Variants in RERE observed in about 807,000 individuals in gnomAD.
The protein encoded by RERE is arginine-glutamic acid dipeptide repeats, also known as arginine-glutamic acid dipeptide repeats protein.
In RERE, 40 loss-of-function variants were observed where a neutral mutation model predicts 146.1. The ratio of observed to expected loss-of-function variants is 0.27; its 90% CI spans 0.21 to 0.36. The LOEUF (loss-of-function observed/expected upper bound fraction) is 0.36, where lower values mean the gene tolerates loss of function less well. RERE is among the 10% of genes least tolerant of loss of function. The pLI is 1.00. For synonymous variants in RERE, 1,003 were observed against 866.0 expected (o/e 1.16, Z -2.78); for missense variants, 1,933 against 2,138.7 (o/e 0.90, Z 1.90).
At chr1:8,547,585 AC>A (rs1391248776) in intron 6 of RERE, among the ~76,000 whole-genome samples, 1 of 152,338 alleles carries the variant, frequency 6.6e-6, no homozygotes, top group East Asian at 1.9e-4. Context: ...ACATAAACAG[AC>A]AATTTACAAA....
At chr1:8,358,020 G>A (rs1641365543) in intron 20 of RERE, among the ~76,000 whole-genome samples, 176 bp downstream of exon 20, 1 of 152,280 alleles carries the variant, frequency 6.6e-6, no homozygotes, top group Non-Finnish European at 1.5e-5. Flanking sequence ...GCCGAGGAGA[G>A]ACTGCGATAC....
intron 10 of RERE, among the ~76,000 whole-genome samples, chr1:8,491,659 T>C (rs149509464): frequency 3.3e-4 from 50 of 152,198 alleles, no homozygotes; most frequent in Non-Finnish European, 6.0e-4. Flanking sequence ...GCTCAAAAAT[T>C]TTCTAAACCA....
At chr1:8,782,291 G>A (rs1423246393) in intron 1 of RERE, among the ~76,000 whole-genome samples, 1 of 151,952 alleles carries the variant, frequency 6.6e-6, no homozygotes, top group African/African-American at 2.4e-5. Context: ...TGGCTTCCAG[G>A]ATGCCATATA....
At chr1:8,392,886 G>A (rs544495686) in intron 12 of RERE, among the ~76,000 whole-genome samples, 16 of 152,284 alleles carry the variant, frequency 1.1e-4, no homozygotes, top group African/African-American at 3.6e-4. Flanking sequence ...CAGAGAACAC[G>A]ATGTGCATTC....
chr1:8,573,160 T>C (rs1160075927), intron 4 of RERE, among the ~76,000 whole-genome samples: 1 of 152,150 alleles, frequency 6.6e-6, no homozygotes, highest in African/African-American at 2.4e-5. Flanking sequence ...ATGAAATATT[T>C]GACAGGCAGA....
intron 7 of RERE, among the ~76,000 whole-genome samples, chr1:8,514,527 C>T (rs748163937): frequency 6.6e-6 from 1 of 152,032 alleles, no homozygotes; most frequent in East Asian, 1.9e-4. Context: ...GTCAGGAGTT[C>T]GAAACCAGCC....
chr1:8,668,689 T>C (rs1164962008), intron 1 of RERE, among the ~76,000 whole-genome samples: 2 of 152,048 alleles, frequency 1.3e-5, no homozygotes, highest in East Asian at 3.9e-4. Flanking sequence ...TTATGCTAAA[T>C]GAAAAGAGCC....
intron 1 of RERE, among the ~76,000 whole-genome samples, chr1:8,701,327 CACA>C (rs1639445770): frequency 1.4e-5 from 2 of 146,174 alleles, no homozygotes; most frequent in Non-Finnish European, 1.5e-5. Context: ...CACACACGCA[CACA>C]CTCCCTCCCT....
chr1:8,359,426 C>T lies in RERE; in HGVS notation c.3618+338G>A, dbSNP rs532919534. 8.1e-4 allele frequency among the ~76,000 whole-genome samples: 124 copies of T among 152,334 alleles called. 1 individual carries two copies. Among genetic ancestry groups the T allele is most frequent in the Middle Eastern group, 3.4e-3 (1 of 294 alleles). On this transcript the variant is annotated intron_variant, in intron 19 of 22. Transcript: ENST00000400908. ...AGTGCTCAGGTCTTCTCTCAAGGCG[C>T]CCCCTTGTGCTTCTCCCCGACTCCT...
intron 4 of RERE, among the ~76,000 whole-genome samples, chr1:8,564,832 ATGTGTGTGTGTG>A (rs567556868): frequency 6.5e-5 from 9 of 139,016 alleles, no homozygotes; most frequent in African/African-American, 8.5e-5. Context: ...GTATATGTGT[ATGTGTGTGTGTG>A]TGTGTGTGTG....
At chr1:8,480,415 G>T (rs892557839) in intron 10 of RERE, among the ~76,000 whole-genome samples, 1 of 148,502 alleles carries the variant, frequency 6.7e-6, no homozygotes, top group African/African-American at 2.5e-5. Context: ...TGAGATTACA[G>T]ACCTGAGCCA....
intron 4 of RERE, among the ~76,000 whole-genome samples, chr1:8,580,530 T>C (rs949361406): frequency 6.6e-6 from 1 of 152,216 alleles, no homozygotes; most frequent in African/African-American, 2.4e-5. Context: ...ACAGAAAATG[T>C]TTTCTAATAT....
At chr1:8,388,801 A>T (rs922907072) in intron 12 of RERE, among the ~76,000 whole-genome samples, 2 of 152,210 alleles carry the variant, frequency 1.3e-5, no homozygotes, top group African/African-American at 4.8e-5. Flanking sequence ...CTCTACAGAT[A>T]ATTTGGAAAT....
intron 12 of RERE, among the ~76,000 whole-genome samples, chr1:8,401,583 G>T (rs1213589913): frequency 6.6e-6 from 1 of 151,956 alleles, no homozygotes; most frequent in Admixed American, 6.6e-5. Flanking sequence ...AACAGAGAGA[G>T]CCCTCATTTC....
intron 12 of RERE, among the ~76,000 whole-genome samples, chr1:8,407,545 G>GA (rs140788444): frequency 0.024 from 3,678 of 152,136 alleles, 137 homozygotes; most frequent in African/African-American, 0.083. Context: ...CTCTGTGGGG[G>GA]AAGCCTACCT....
intron 12 of RERE, chr1:8,381,097 C>T (rs924876688): frequency 6.8e-6 from 3 of 442,946 alleles, no homozygotes; most frequent in African/African-American, 4.0e-5. Context: ...CACACCACCT[C>T]ATACACACTT....
chr1:8,677,529 C>T (rs1046365252), intron 1 of RERE, among the ~76,000 whole-genome samples: 4 of 151,090 alleles, frequency 2.6e-5, no homozygotes, highest in African/African-American at 9.7e-5. Flanking sequence ...TGTAATCACA[C>T]GGTCAGTATT....
At chr1:8,677,207 A>G (rs1465986867) in intron 1 of RERE, among the ~76,000 whole-genome samples, 1 of 152,186 alleles carries the variant, frequency 6.6e-6, no homozygotes, top group Non-Finnish European at 1.5e-5. Flanking sequence ...AGGCAGGTGG[A>G]TCCCCTGAGA....
chr1:8,637,569 T>C (rs1353511459), intron 2 of RERE, among the ~76,000 whole-genome samples: 2 of 152,184 alleles, frequency 1.3e-5, no homozygotes, highest in Non-Finnish European at 2.9e-5. Flanking sequence ...TACTTCATAT[T>C]AGAAGGACGA....
Sources: gnomAD v4.1 joint callset for allele counts (sites outside exome capture counted in the v4.1 genomes callset) on GRCh38, gnomAD v4.1.1 for gene constraint, MANE v1.5 for transcripts, NCBI Gene and HGNC (gene_info 2026-07-23, HGNC 2026-07-21) for gene names.